Variants in RALA observed in about 807,000 individuals in gnomAD.
RALA encodes the protein RAS like proto-oncogene A, also known as ras-related protein Ral-A.
A neutral mutation model predicts 24.0 loss-of-function variants in RALA; 5 were observed. That is an observed-to-expected ratio of 0.21 (90% CI 0.11 to 0.44). The LOEUF (loss-of-function observed/expected upper bound fraction) is 0.44, where lower values mean the gene tolerates loss of function less well. Among genes scored for constraint, RALA ranks in the 20% least tolerant of loss-of-function variants. The pLI, the probability that RALA is intolerant of heterozygous loss-of-function variation, is 0.99. For synonymous variants in RALA, 77 were observed against 83.8 expected (o/e 0.92, Z 0.44); for missense variants, 95 against 241.2 (o/e 0.39, Z 4.01).
intron 3 of RALA, among the ~76,000 whole-genome samples, chr7:39,693,645 A>C (rs979053277): frequency 5.9e-5 from 9 of 152,214 alleles, no homozygotes; most frequent in African/African-American, 2.2e-4. Context: ...CACGCCCTAG[A>C]AAAAGATTGT....
chr7:39,699,118 G>GTTTTTTTTTTTTTTT (rs1209729467), intron 4 of RALA, among the ~76,000 whole-genome samples: 3 of 84,138 alleles, frequency 3.6e-5, no homozygotes, highest in African/African-American at 1.4e-4. Flanking sequence ...TGCTAAAAAT[G>GTTTTTTTTTTTTTTT]TTATTTTTTT....
At chr7:39,661,637 C>T (rs375450450) in intron 1 of RALA, among the ~76,000 whole-genome samples, 2 of 152,220 alleles carry the variant, frequency 1.3e-5, no homozygotes, top group African/African-American at 4.8e-5. Context: ...TTCCCATGGT[C>T]TTGGGCAGCT....
chr7:39,685,903 TACTC>T (rs1438833390), intron 1 of RALA, among the ~76,000 whole-genome samples: 4 of 152,176 alleles, frequency 2.6e-5, no homozygotes, highest in Non-Finnish European at 5.9e-5. Flanking sequence ...ACTTGTTTCT[TACTC>T]AAGAGAAACA....
At chr7:39,649,891 G>A (rs904653808) in intron 1 of RALA, among the ~76,000 whole-genome samples, 4 of 152,210 alleles carry the variant, frequency 2.6e-5, no homozygotes, top group Non-Finnish European at 5.9e-5. Context: ...GATGATCTGG[G>A]TCAGCTGCTA....
At chr7:39,665,258 C>T (rs1256055017) in intron 1 of RALA, among the ~76,000 whole-genome samples, 1 of 152,056 alleles carries the variant, frequency 6.6e-6, no homozygotes, top group Non-Finnish European at 1.5e-5. Flanking sequence ...AGAATGAAGA[C>T]CTTTATGATG....
intron 2 of RALA, among the ~76,000 whole-genome samples, chr7:39,688,774 C>T (rs945433116): frequency 5.9e-5 from 9 of 151,970 alleles, no homozygotes; most frequent in Admixed American, 2.6e-4. Flanking sequence ...GGGGTGTATC[C>T]GTCTGTTCTC....
intron 1 of RALA, among the ~76,000 whole-genome samples, chr7:39,637,078 A>T (rs935109247): frequency 6.6e-6 from 1 of 152,252 alleles, no homozygotes; most frequent in Non-Finnish European, 1.5e-5. Flanking sequence ...GCACACTGTT[A>T]AAATTTGTGG....
At chr7:39,685,337 C>G (rs963600116) in intron 1 of RALA, among the ~76,000 whole-genome samples, 1 of 152,320 alleles carries the variant, frequency 6.6e-6, no homozygotes, top group East Asian at 1.9e-4. Flanking sequence ...GGGTCTGATG[C>G]AGCTGAGCTA....
chr7:39,685,725 A>G (rs1251447302), intron 1 of RALA, among the ~76,000 whole-genome samples: 1 of 151,866 alleles, frequency 6.6e-6, no homozygotes, highest in Non-Finnish European at 1.5e-5. Flanking sequence ...CAGATGTTCC[A>G]GTAATCTGTT....
In RALA at chr7:39,696,873, CTT is replaced by C. The variant is rs774240544; in HGVS notation, c.498+16_498+17del. On this transcript the variant is annotated intron_variant, in intron 4 of 4. Coordinates refer to ENST00000005257, the MANE Select transcript of RALA (RefSeq NM_005402.4). Reference sequence around the variant, plus strand: ...AATGTTGACAAGGTAACACGTGACTCTTTACTACTGCATCATGTTAAAATAGG... The same window carrying C: ...AATGTTGACAAGGTAACACGTGACTCTACTACTGCATCATGTTAAAATAGG... The C allele has an allele frequency of 4.4e-6, 7 of 1,601,854 alleles. No individual in the cohort carries two copies. In the African/African-American group the frequency reaches 6.7e-5, roughly 15 times the overall value.
chr7:39,667,240 G>A (rs148511369), intron 1 of RALA, among the ~76,000 whole-genome samples: 1 of 152,174 alleles, frequency 6.6e-6, no homozygotes, highest in Non-Finnish European at 1.5e-5. Context: ...GAAATATTTT[G>A]GGGTTCCAAA....
At chr7:39,645,017 C>T (rs1791900978) in intron 1 of RALA, among the ~76,000 whole-genome samples, 1 of 152,096 alleles carries the variant, frequency 6.6e-6, no homozygotes, top group Non-Finnish European at 1.5e-5. Context: ...TTACTTTTTC[C>T]TCTTTCTTTA....
chr7:39,653,235 G>T (rs998596652), intron 1 of RALA, among the ~76,000 whole-genome samples: 6 of 151,910 alleles, frequency 3.9e-5, no homozygotes, highest in Admixed American at 3.9e-4. Context: ...TCACCATGTT[G>T]GTCAGGCTGG....
intron 1 of RALA, among the ~76,000 whole-genome samples, chr7:39,671,762 C>T (rs1792393436): frequency 6.6e-6 from 1 of 152,172 alleles, no homozygotes; most frequent in South Asian, 2.1e-4. Flanking sequence ...TATTACTTTT[C>T]TTAGTTCAGT....
chr7:39,662,549 G>A (rs545071501), intron 1 of RALA, among the ~76,000 whole-genome samples: 1 of 152,152 alleles, frequency 6.6e-6, no homozygotes, highest in South Asian at 2.1e-4. Flanking sequence ...TCTAGTTCAG[G>A]GGCAAAATTC....
At chr7:39,696,899 G>T (rs1206016648) in intron 4 of RALA, 40 bp downstream of exon 4, 4 of 1,557,032 alleles carry the variant, frequency 2.6e-6, no homozygotes, top group Admixed American at 2.0e-5. Context: ...TGTTAAAATA[G>T]GTTGGTTTGC....
chr7:39,690,812 T>C (rs764841643), intron 3 of RALA, among the ~76,000 whole-genome samples: 4 of 152,234 alleles, frequency 2.6e-5, no homozygotes, highest in Non-Finnish European at 4.4e-5. Flanking sequence ...TCACCTGTAT[T>C]GGAGTTTGAT....
chr7:39,625,430 G>GTA (rs1218393287), intron 1 of RALA, among the ~76,000 whole-genome samples: 1 of 152,184 alleles, frequency 6.6e-6, no homozygotes, highest in Non-Finnish European at 1.5e-5. Context: ...GTTGATAACT[G>GTA]TACCCTATCT....
intron 1 of RALA, among the ~76,000 whole-genome samples, chr7:39,652,084 T>C (rs2115970980): frequency 6.6e-6 from 1 of 152,328 alleles, no homozygotes; most frequent in South Asian, 2.1e-4. Flanking sequence ...ATTCAGTCTC[T>C]GGTTCCAAGA....
Sources: allele counts gnomAD v4.1 joint callset (sites outside exome capture counted in the v4.1 genomes callset), GRCh38; gene constraint gnomAD v4.1.1; transcripts MANE v1.5; gene names NCBI Gene and HGNC (gene_info 2026-07-23, HGNC 2026-07-21).